The following IGF2R variants were observed in gnomAD, a reference collection of about 807,000 sequenced individuals.
IGF2R encodes the protein cation-independent mannose-6-phosphate receptor.
In IGF2R, 91 loss-of-function variants were observed where a neutral mutation model predicts 270.6. That is an observed-to-expected ratio of 0.34 (90% CI 0.28 to 0.40). The LOEUF (loss-of-function observed/expected upper bound fraction) is 0.40, where lower values mean the gene tolerates loss of function less well. IGF2R is among the 10% of genes least tolerant of loss of function. The pLI is 1.00. For synonymous variants in IGF2R, 1,316 were observed against 1,258.9 expected, an observed-to-expected ratio of 1.05 and a Z score of -0.96; for missense variants, 2,805 against 3,188.3, an observed-to-expected ratio of 0.88 and a Z score of 2.90.
chr6:159,981,339 G>A lies in IGF2R; in HGVS notation c.150-9845G>A, dbSNP rs1272156866. On this transcript the variant is annotated intron_variant, in intron 1 of 47. Coordinates refer to ENST00000356956, the MANE Select transcript of IGF2R (RefSeq NM_000876.4). ...TGTGAGTGCAAGTGTGTGTGTCTGA[G>A]TGTGTGTGTGTGAGTGTGTTTGTCT... Among the ~76,000 whole-genome samples the A allele has an allele frequency of 3.4e-5, 5 of 148,546 alleles. No individual in the cohort carries two copies. The East Asian group carries it at 9.7e-4, about 29-fold the overall frequency.
At chr6:160,103,687 G>A in intron 46 of IGF2R, 59 bp from the exon 47 acceptor site, 2 of 1,257,310 alleles carry the variant, frequency 1.6e-6, no homozygotes, top group Non-Finnish European at 2.3e-6. Flanking sequence ...GGCGGGGGTG[G>A]GGCTCCTGCC....
intron 9 of IGF2R, among the ~76,000 whole-genome samples, chr6:160,034,088 C>T (rs948214821): frequency 6.6e-6 from 1 of 152,214 alleles, no homozygotes; most frequent in African/African-American, 2.4e-5. Context: ...GTGTTCATGG[C>T]GGCTGTTAAG....
At chr6:160,101,840 G>C (rs1020461129) in intron 45 of IGF2R, among the ~76,000 whole-genome samples, 1 of 152,222 alleles carries the variant, frequency 6.6e-6, no homozygotes, top group Non-Finnish European at 1.5e-5. Context: ...TCATGGAAAC[G>C]CACTGCTTTT....
At chr6:160,094,284 A>G (rs1349503600) in intron 44 of IGF2R, 2 of 272,802 alleles carry the variant, frequency 7.3e-6, no homozygotes, top group Non-Finnish European at 1.4e-5. Flanking sequence ...CCACACATCC[A>G]TCCAGTCTGA....
intron 19 of IGF2R, among the ~76,000 whole-genome samples, chr6:160,053,810 C>T (rs112524694): frequency 6.6e-6 from 1 of 152,146 alleles, no homozygotes; most frequent in African/African-American, 2.4e-5. Context: ...TTCCTGGGCT[C>T]AAGTGACCCT....
intron 4 of IGF2R, among the ~76,000 whole-genome samples, chr6:160,018,298 A>G (rs368706836): frequency 4.6e-5 from 7 of 152,338 alleles, no homozygotes; most frequent in African/African-American, 1.7e-4. Context: ...AGATTATTCA[A>G]CAAGATGTAA....
intron 46 of IGF2R, among the ~76,000 whole-genome samples, chr6:160,103,319 CAAAAAAA>C (rs755283229): frequency 9.1e-6 from 1 of 109,834 alleles, no homozygotes; most frequent in African/African-American, 3.4e-5. Context: ...AGACTCTGTC[CAAAAAAA>C]AAAAAAAAGT....
chr6:159,980,451 A>T (rs1317463001), intron 1 of IGF2R, among the ~76,000 whole-genome samples: 3 of 152,178 alleles, frequency 2.0e-5, no homozygotes, highest in Non-Finnish European at 4.4e-5. Context: ...CACGGACCTC[A>T]CTGGGACCTC....
intron 10 of IGF2R, among the ~76,000 whole-genome samples, 168 bp from the exon 11 acceptor site, chr6:160,040,392 A>G (rs150671860): frequency 1.3e-5 from 2 of 152,350 alleles, no homozygotes; most frequent in East Asian, 3.9e-4. Context: ...CTGAAGCTTA[A>G]TAGAAGCCTG....
intron 4 of IGF2R, among the ~76,000 whole-genome samples, chr6:160,012,693 G>A (rs1784352610): frequency 6.6e-6 from 1 of 150,570 alleles, no homozygotes; most frequent in Admixed American, 6.7e-5. Flanking sequence ...ATTTGAGTGG[G>A]GACACACAGT....
intron 15 of IGF2R, 144 bp downstream of exon 15, chr6:160,046,789 G>A (rs908281345): frequency 1.1e-6 from 1 of 923,698 alleles, no homozygotes; most frequent in Non-Finnish European, 1.6e-6. Flanking sequence ...AAAACTGAAG[G>A]ATGTTAGGAG....
At chr6:160,008,829 C>G (rs555758436) in intron 2 of IGF2R, among the ~76,000 whole-genome samples, 181 bp from the exon 3 acceptor site, 13 of 152,182 alleles carry the variant, frequency 8.5e-5, no homozygotes, top group Admixed American at 7.2e-4. Flanking sequence ...GTAAAGATGG[C>G]ACTTAATGTA....
rs966843867 is a variant in IGF2R at position 160,070,078 on chromosome 6, C to T, written c.4443+20C>T. On this transcript the variant is annotated intron_variant, in intron 31 of 47. Transcript: ENST00000356956. ...CAAGTGGTAAGGGACTGTTCCTGCACCTTCTGCTGTTGCAGCTTTGGGAAT... is the reference window on the plus strand; with the variant it reads ...CAAGTGGTAAGGGACTGTTCCTGCATCTTCTGCTGTTGCAGCTTTGGGAAT... The T allele has an allele frequency of 6.2e-7, 1 of 1,610,746 alleles. No individual in the cohort carries two copies. Among genetic ancestry groups the T allele is most frequent in the Non-Finnish European group, 8.5e-7 (1 of 1,177,280 alleles).
At chr6:160,094,056 C>T (rs1452219054) in intron 44 of IGF2R, 2 of 549,368 alleles carry the variant, frequency 3.6e-6, no homozygotes, top group African/African-American at 1.9e-5. Flanking sequence ...CTTGACAGTC[C>T]TCCTGTCCAC....
chr6:160,044,344 C>T (rs1778017541), intron 12 of IGF2R, among the ~76,000 whole-genome samples, 170 bp from the exon 13 acceptor site: 1 of 152,210 alleles, frequency 6.6e-6, no homozygotes, highest in Non-Finnish European at 1.5e-5. Context: ...TAGGGAAACC[C>T]ATCCGCTGCC....
chr6:160,012,646 C>T (rs1364389854), intron 4 of IGF2R, among the ~76,000 whole-genome samples: 5 of 151,418 alleles, frequency 3.3e-5, no homozygotes, highest in Non-Finnish European at 7.4e-5. Flanking sequence ...CTCCCCAGGC[C>T]CCGCCTCCAA....
chr6:159,969,307 C>A lies in IGF2R; in HGVS notation c.61C>A (p.Arg21Ser), dbSNP rs1239392464. 7.9e-7 allele frequency: 1 copy of A among 1,265,666 alleles called. No individual in the cohort carries two copies. The allele number at this position is 1,265,666 out of a possible 1,614,324, so 78.4% of individuals were successfully genotyped here. A position where few individuals can be genotyped will look rare whatever the true frequency, so the allele number is the denominator to read the frequency against. The change falls in exon 1 of 48, where the codon CGC (arginine) becomes AGC (serine). Residue 21 changes from arginine to serine, a missense_variant. Arg to Ser is a moderately radical substitution (Grantham distance 110, BLOSUM62 -1). Transcript: ENST00000356956. ...LGPAPARRPQ[R>S]SLLLLQLLLL... Reference sequence around the variant, plus strand: ...GCCCGCGCCCGCCCGCCGCCCGCAGCGCTCTCTGCTCCTGCTGCAGCTGCT... The same window carrying A: ...GCCCGCGCCCGCCCGCCGCCCGCAGAGCTCTCTGCTCCTGCTGCAGCTGCT...
At position 160,078,210 on chromosome 6, in the gene IGF2R, A is replaced by T; in HGVS notation, c.5326A>T (p.Lys1776Ter). 1 of 1,614,142 alleles carries T rather than the reference A, an allele frequency of 6.2e-7. No homozygotes were observed. Among genetic ancestry groups the T allele is most frequent in the Non-Finnish European group, 8.5e-7 (1 of 1,179,980 alleles). Residue 1776 changes from lysine (K) to a stop codon, truncating the protein, a stop_gained, in exon 37 of 48, where the codon AAG becomes TAG. Coordinates refer to ENST00000356956, the MANE Select transcript of IGF2R (RefSeq NM_000876.4). LOFTEE classifies it high-confidence loss of function. The stretch of plus-strand genomic sequence containing the variant: ...CTCTTCCTGGCAACAGGGAACGCCT[A>T]AGCTGTTAAGGACCAGCGAGTGCGA... ...CKRGVSMGTPKLLRTSECDFV... is the reference protein window; with the variant it reads ...CKRGVSMGTP
At position 159,991,069 on chromosome 6, in the gene IGF2R, A is replaced by G. The variant is rs1418759364; in HGVS notation, c.150-115A>G. On this transcript the variant is annotated intron_variant, in intron 1 of 47. Coordinates refer to ENST00000356956, the MANE Select transcript of IGF2R (RefSeq NM_000876.4). ...CTTTTTAGTGTTTTTGGCTAAGGAA[A>G]GTGTATTTTCTAGTTTGTGGCAGTT... 14 of 990,628 alleles carry G rather than the reference A, an allele frequency of 1.4e-5. No homozygotes were observed. In the East Asian group the frequency reaches 3.5e-4, roughly 25 times the overall value. 61.4% of individuals were successfully genotyped at this position (990,628 alleles called of 1,614,324 possible).
Sources: gnomAD v4.1 joint callset for allele counts (sites outside exome capture counted in the v4.1 genomes callset) on GRCh38, gnomAD v4.1.1 for gene constraint, MANE v1.5 for transcripts, NCBI Gene and HGNC (gene_info 2026-07-23, HGNC 2026-07-21) for gene names.